The following CTNNAL1 variants were observed in gnomAD, a reference collection of about 807,000 sequenced individuals.
CTNNAL1 encodes catenin alpha like 1.
A neutral mutation model predicts 93.6 loss-of-function variants in CTNNAL1; 69 were observed. That is an observed-to-expected ratio of 0.74 (90% CI 0.61 to 0.90). The LOEUF (loss-of-function observed/expected upper bound fraction) is 0.90, where lower values mean the gene tolerates loss of function less well. Among genes scored for constraint, CTNNAL1 ranks in the 40% least tolerant of loss-of-function variants. The probability of loss-of-function intolerance (pLI) is 0.00; values close to 1 mark genes in which losing one functional copy is unlikely to be tolerated. For synonymous variants in CTNNAL1, 286 were observed against 305.4 expected (o/e 0.94, Z 0.66); for missense variants, 836 against 862.0 (o/e 0.97, Z 0.38).
At chr9:108,980,840 T>C (rs1831406649) in intron 6 of CTNNAL1, among the ~76,000 whole-genome samples, 1 of 152,196 alleles carries the variant, frequency 6.6e-6, no homozygotes, top group African/African-American at 2.4e-5. Flanking sequence ...AGAGAAAATA[T>C]ACATGTTTTT....
chr9:108,981,754 A>C (rs1452652316), intron 6 of CTNNAL1, among the ~76,000 whole-genome samples: 1 of 151,988 alleles, frequency 6.6e-6, no homozygotes, highest in Non-Finnish European at 1.5e-5. Context: ...GCAAAACCCC[A>C]TCTCTATTAA....
chr9:108,980,259 T>C (rs1020879729), intron 6 of CTNNAL1, among the ~76,000 whole-genome samples: 1 of 152,150 alleles, frequency 6.6e-6, no homozygotes, highest in Non-Finnish European at 1.5e-5. Flanking sequence ...TCCTTGACTA[T>C]GTGATGAACA....
chr9:108,952,485 C>A lies in CTNNAL1; in HGVS notation c.1639G>T (p.Ala547Ser). 3 of 1,614,138 alleles carry A rather than the reference C, an allele frequency of 1.9e-6. No individual in the cohort carries two copies. Among genetic ancestry groups the A allele is most frequent in the Non-Finnish European group, 2.5e-6 (3 of 1,180,016 alleles). The change falls in exon 13 of 19, where the codon GCA becomes TCA. Residue 547 changes from alanine (A) to serine (S), a missense_variant. Physicochemically the swap from Ala to Ser is moderately conservative, Grantham distance 99. Coordinates refer to ENST00000325551, the MANE Select transcript of CTNNAL1 (RefSeq NM_003798.4). ...LSLPKPMKNN[A>S]NLKSLKPDKP... ...TCTGGCTTTAATGATTTCAGGTTTGCATTATTCTTCTGTGACAATAAAAAG... is the reference window on the plus strand; with the variant it reads ...TCTGGCTTTAATGATTTCAGGTTTGAATTATTCTTCTGTGACAATAAAAAG...
intron 1 of CTNNAL1, among the ~76,000 whole-genome samples, chr9:109,012,486 A>G (rs1208971049): frequency 6.6e-6 from 1 of 152,192 alleles, no homozygotes; most frequent in Non-Finnish European, 1.5e-5. Context: ...TTGGCATCTT[A>G]CCACAGACCT....
chr9:108,990,959 G>C (rs1413853500), intron 3 of CTNNAL1, 114 bp from the exon 4 acceptor site: 3 of 1,247,866 alleles, frequency 2.4e-6, no homozygotes, highest in Non-Finnish European at 3.3e-6. Context: ...GAAAGCTGAG[G>C]AGGAGGAGCC....
In CTNNAL1 at chr9:108,983,312, A is replaced by G. The variant is rs756214801; in HGVS notation, c.733T>C (p.Cys245Arg). 1.3e-6 allele frequency: 2 copies of G among 1,514,778 alleles called. No individual in the cohort carries two copies. The highest frequency in any genetic ancestry group is 8.8e-7 in the Non-Finnish European group (1 of 1,134,932). The allele number at this position is 1,514,778 out of a possible 1,614,324, so 93.8% of individuals were successfully genotyped here. Residue 245 changes from cysteine (C) to arginine (R), a missense_variant, in exon 6 of 19, where the codon TGT becomes CGT. Transcript: ENST00000325551. ...GATTCGCAGTTAGGATGCCTCAGAC[A>G]TGTCTTCAAAACAATTGAAAATTTT... ...TMMLLTASKT[C>R]LRHPNCESAH...
At chr9:108,972,865 A>AAAG in intron 8 of CTNNAL1, 32 bp from the exon 9 acceptor site, 20 of 219,276 alleles carry the variant, frequency 9.1e-5, no homozygotes, top group South Asian at 3.9e-4. Context: ...GGGGGGTGGG[A>AAAG]GGGTGGAGAA....
chr9:108,988,031 G>C (rs1045283689), intron 4 of CTNNAL1, among the ~76,000 whole-genome samples: 2 of 152,102 alleles, frequency 1.3e-5, no homozygotes, highest in African/African-American at 2.4e-5. Flanking sequence ...TCCTTCTCCT[G>C]CCTAATTGCC....
At chr9:109,000,307 C>A (rs1482919198) in intron 1 of CTNNAL1, among the ~76,000 whole-genome samples, 1 of 152,152 alleles carries the variant, frequency 6.6e-6, no homozygotes, top group East Asian at 1.9e-4. Flanking sequence ...AATCCCACCA[C>A]CATTAGGTTT....
intron 9 of CTNNAL1, among the ~76,000 whole-genome samples, chr9:108,971,196 T>C (rs1053218967): frequency 1.3e-5 from 2 of 152,168 alleles, no homozygotes; most frequent in African/African-American, 4.8e-5. Context: ...TTGGCTCCTA[T>C]GTAAACAAGT....
intron 1 of CTNNAL1, among the ~76,000 whole-genome samples, chr9:109,010,003 T>G (rs1334964471): frequency 6.6e-6 from 1 of 152,278 alleles, no homozygotes; most frequent in Middle Eastern, 3.4e-3. Context: ...TAACTGGATT[T>G]TTTTAATAAT....
intron 8 of CTNNAL1, 121 bp downstream of exon 8, chr9:108,976,841 A>G (rs1268650030): frequency 2.2e-6 from 1 of 446,296 alleles, no homozygotes; most frequent in Non-Finnish European, 3.9e-6. Context: ...CCTCAAAGGA[A>G]AACTTTTAAA....
rs1255484943 is a variant in CTNNAL1 at position 108,999,093 on chromosome 9, A to G, written c.305T>C (p.Ile102Thr). The G allele has an allele frequency of 6.2e-7, 1 of 1,610,514 alleles. No homozygotes were observed. Among genetic ancestry groups the G allele is most frequent in the African/African-American group, 1.3e-5 (1 of 74,772 alleles). Residue 102 changes from isoleucine to threonine, a missense_variant, in exon 2 of 19, where the codon ATT (isoleucine) becomes ACT (threonine). Physicochemically the swap from Ile to Thr is moderately conservative, Grantham distance 89. Coordinates refer to ENST00000325551, the MANE Select transcript of CTNNAL1 (RefSeq NM_003798.4). ...TGCTTGTTTAGCTTCAATACAAGCA[A>G]TATTTATTTCTTCTTTCAAATCCCA... The part of the protein sequence containing the change: ...ENWDLKEEIN[I>T]ACIEAKQAGE...
At chr9:108,964,835 CTGTT>C (rs1177030014) in intron 11 of CTNNAL1, among the ~76,000 whole-genome samples, 1 of 141,958 alleles carries the variant, frequency 7.0e-6, no homozygotes, top group African/African-American at 2.6e-5. Flanking sequence ...ATCTACTATG[CTGTT>C]TGTTTTATTT....
intron 7 of CTNNAL1, 128 bp from the exon 8 acceptor site, chr9:108,977,176 A>G (rs529832939): frequency 9.1e-6 from 4 of 439,500 alleles, no homozygotes; most frequent in Non-Finnish European, 1.6e-5. Flanking sequence ...GTAGATTTTC[A>G]AAATTTACCT....
chr9:108,986,759 T>A (rs1343885530), intron 4 of CTNNAL1, among the ~76,000 whole-genome samples: 1 of 152,260 alleles, frequency 6.6e-6, no homozygotes, highest in Non-Finnish European at 1.5e-5. Flanking sequence ...GGTTTTGATT[T>A]GCATTTCTCT....
intron 2 of CTNNAL1, among the ~76,000 whole-genome samples, chr9:108,995,356 T>C (rs1253381515): frequency 6.6e-6 from 1 of 152,186 alleles, no homozygotes; most frequent in Non-Finnish European, 1.5e-5. Context: ...GGATACGACA[T>C]ATAAGCCTGC....
intron 8 of CTNNAL1, 31 bp from the exon 9 acceptor site, chr9:108,972,864 G>GGGCCCCC: frequency 1.2e-4 from 17 of 142,476 alleles, no homozygotes; most frequent in Middle Eastern, 3.8e-3. Context: ...GGGGGGGTGG[G>GGGCCCCC]AGGGTGGAGA....
At chr9:108,991,944 C>T in intron 3 of CTNNAL1, 2 of 667,824 alleles carry the variant, frequency 3.0e-6, no homozygotes, top group East Asian at 2.8e-5. Flanking sequence ...GAGTTTAAAT[C>T]TGTTCTGTAA....
Sources: allele counts gnomAD v4.1 joint callset (sites outside exome capture counted in the v4.1 genomes callset), GRCh38; gene constraint gnomAD v4.1.1; transcripts MANE v1.5; gene names NCBI Gene and HGNC (gene_info 2026-07-23, HGNC 2026-07-21).